REV3L: variants seen among roughly 807,000 people sequenced by gnomAD.
REV3L encodes the protein DNA polymerase zeta catalytic subunit.
In REV3L, 69 loss-of-function variants were observed where a neutral mutation model predicts 299.4. The observed-to-expected ratio is 0.23, with a 90% CI of 0.19 to 0.28. REV3L has a LOEUF of 0.28. REV3L is among the 10% of genes least tolerant of loss of function. REV3L has a pLI of 1.00. For synonymous variants in REV3L, 1,238 were observed against 1,271.4 expected, an observed-to-expected ratio of 0.97 and a Z score of 0.56; for missense variants, 3,128 against 3,693.8, an observed-to-expected ratio of 0.85 and a Z score of 3.97.
Position 111,381,354 on chromosome 6 carries a change from G to C in REV3L, c.1187C>G (p.Thr396Ser). 3 of 1,613,418 alleles carry C rather than the reference G, an allele frequency of 1.9e-6. No individual in the cohort carries two copies. Among genetic ancestry groups the C allele is most frequent in the Non-Finnish European group, 2.5e-6 (3 of 1,179,716 alleles). ...AACAGGTGACTCACTCAGTCTTTGG[G>C]TCAAAGGCTGAAAAGTCTGACTATT... Reference protein sequence around the residue: ...MENSQTFQPLTQRLSESPVFM... With the variant: ...MENSQTFQPLSQRLSESPVFM... Residue 396 changes from threonine to serine, a missense_variant, in exon 10 of 32, where the codon ACC becomes AGC. Around this residue, in one of 9 missense-constraint regions of REV3L, gnomAD observed 2,409 missense variants for 2,611.8 expected, o/e 0.92. Transcript: ENST00000368802.
intron 28 of REV3L, chr6:111,313,065 A>G: frequency 3.8e-6 from 1 of 264,560 alleles, no homozygotes; most frequent in Non-Finnish European, 7.0e-6. Flanking sequence ...CAGGAGGCTG[A>G]GGCAGAAAGA....
At chr6:111,408,803 G>A (rs1300744286) in intron 3 of REV3L, among the ~76,000 whole-genome samples, 1 of 152,082 alleles carries the variant, frequency 6.6e-6, no homozygotes, top group East Asian at 1.9e-4. Flanking sequence ...TCCCACCTTA[G>A]CCTCCAGAAT....
chr6:111,465,769 T>TAA (rs1791426178), intron 1 of REV3L, among the ~76,000 whole-genome samples: 1 of 71,858 alleles, frequency 1.4e-5, no homozygotes, highest in African/African-American at 4.1e-5. Context: ...AAAAAAAACT[T>TAA]TGTTTAAAAT....
intron 1 of REV3L, among the ~76,000 whole-genome samples, chr6:111,417,001 C>T (rs1240117924): frequency 4.7e-5 from 7 of 150,020 alleles, no homozygotes; most frequent in Admixed American, 1.3e-4. Flanking sequence ...TGAAATTTTG[C>T]CATTAAAAGG....
At chr6:111,358,756 G>A in intron 17 of REV3L, 66 bp downstream of exon 17, 1 of 1,263,622 alleles carries the variant, frequency 7.9e-7, no homozygotes, top group South Asian at 1.6e-5. Context: ...CTTCAGCACA[G>A]GAATTCCCCA....
chr6:111,367,959 G>A lies in REV3L; in HGVS notation c.5829C>T (p.Asp1943=), dbSNP rs1429569376. ...LANDLAEFEG[D]FSLEGLRLWK... is the part of the protein sequence containing the mutation. Reference sequence around the variant, plus strand: ...AAAGACGAAGTCCTTCCAAGGAAAAGTCTCCCTCAAACTCAGCCAGATCAT... The same window carrying A: ...AAAGACGAAGTCCTTCCAAGGAAAAATCTCCCTCAAACTCAGCCAGATCAT... Residue 1943 remains aspartate (D), a synonymous_variant, in exon 14 of 32, where the codon GAC becomes GAT. Transcript: ENST00000368802. 1 of 1,613,902 alleles carries A rather than the reference G, an allele frequency of 6.2e-7. No homozygotes were observed. The highest frequency in any genetic ancestry group is 1.7e-5 in the Admixed American group (1 of 59,996).
intron 21 of REV3L, among the ~76,000 whole-genome samples, chr6:111,342,003 C>A (rs1315037275): frequency 6.6e-6 from 1 of 152,004 alleles, no homozygotes; most frequent in Non-Finnish European, 1.5e-5. Flanking sequence ...AGGCCTTTGC[C>A]CTAGAGAAAG....
chr6:111,334,528 C>T (rs963890189), intron 22 of REV3L, among the ~76,000 whole-genome samples: 3 of 151,840 alleles, frequency 2.0e-5, no homozygotes, highest in Non-Finnish European at 4.4e-5. Context: ...TATTACTGGT[C>T]CCTAGCAAAA....
chr6:111,338,312 C>CTTTTTTTTTTTTTTTTTTTTTTTTTTT (rs144497761), intron 21 of REV3L, among the ~76,000 whole-genome samples: 2 of 47,944 alleles, frequency 4.2e-5, no homozygotes, highest in East Asian at 1.2e-3. Context: ...GTCTAAAGTC[C>CTTTTTTTTTTTTTTTTTTTTTTTTTTT]TTTTTTTTTT....
intron 31 of REV3L, among the ~76,000 whole-genome samples, chr6:111,301,249 T>C (rs1315613592): frequency 6.6e-6 from 1 of 152,196 alleles, no homozygotes; most frequent in Admixed American, 6.5e-5. Flanking sequence ...GTTAAGATGT[T>C]TATCAATGAC....
chr6:111,364,037 C>A, intron 15 of REV3L, 59 bp from the exon 16 acceptor site: 2 of 1,556,910 alleles, frequency 1.3e-6, no homozygotes, highest in South Asian at 2.5e-5. Context: ...AATCATTTTT[C>A]TTTTGATTAC....
chr6:111,328,251 T>G (rs1387400064), intron 25 of REV3L, among the ~76,000 whole-genome samples: 1 of 152,208 alleles, frequency 6.6e-6, no homozygotes, highest in Non-Finnish European at 1.5e-5. Context: ...TATTCTGACT[T>G]AAAAAATTTT....
intron 3 of REV3L, 62 bp from the exon 4 acceptor site, chr6:111,405,692 A>G (rs1783544724): frequency 1.8e-6 from 2 of 1,140,614 alleles, no homozygotes; most frequent in African/African-American, 3.2e-5. Flanking sequence ...AAATGAAACA[A>G]TGATTATAGA....
intron 1 of REV3L, among the ~76,000 whole-genome samples, chr6:111,464,540 A>T (rs1791187213): frequency 6.6e-6 from 1 of 152,226 alleles, no homozygotes; most frequent in Non-Finnish European, 1.5e-5. Flanking sequence ...TGTGTTCTCA[A>T]CAACATACAT....
intron 1 of REV3L, among the ~76,000 whole-genome samples, chr6:111,420,797 T>G (rs1053128081): frequency 2.0e-5 from 3 of 151,902 alleles, no homozygotes; most frequent in African/African-American, 7.3e-5. Flanking sequence ...CAACAAGGAG[T>G]ATGTGGGTGC....
At chr6:111,410,562 G>C (rs1454785620) in intron 3 of REV3L, among the ~76,000 whole-genome samples, 1 of 152,208 alleles carries the variant, frequency 6.6e-6, no homozygotes, top group African/African-American at 2.4e-5. Context: ...GGAAGTATGA[G>C]TAGAGGGGAA....
upstream of REV3L, chr6:111,483,668 A>G (rs1375534874): frequency 7.3e-6 from 3 of 413,484 alleles, no homozygotes; most frequent in Non-Finnish European, 1.5e-5. Context: ...TTCACAAGGT[A>G]AGAAAATCCG....
chr6:111,352,384 G>A (rs976972852), intron 18 of REV3L, among the ~76,000 whole-genome samples: 1 of 152,126 alleles, frequency 6.6e-6, no homozygotes, highest in Non-Finnish European at 1.5e-5. Flanking sequence ...AATTGGGGTG[G>A]AAGGCAGGCC....
At chr6:111,313,791 G>A (rs1006177834) in intron 27 of REV3L, among the ~76,000 whole-genome samples, 3 of 152,060 alleles carry the variant, frequency 2.0e-5, no homozygotes, top group Admixed American at 6.6e-5. Flanking sequence ...TTATTTTTCC[G>A]GATCTATCTC....
Sources: allele counts gnomAD v4.1 joint callset (sites outside exome capture counted in the v4.1 genomes callset), GRCh38; gene constraint gnomAD v4.1.1; regional missense constraint gnomAD v4.1.1; transcripts MANE v1.5; gene names NCBI Gene and HGNC (gene_info 2026-07-23, HGNC 2026-07-21).